The following PTPRD variants were observed in gnomAD, a reference collection of about 807,000 sequenced individuals.
The protein encoded by PTPRD is receptor-type tyrosine-protein phosphatase delta.
PTPRD carries 34 observed loss-of-function variants against 214.5 expected under a neutral mutation model. The ratio of observed to expected loss-of-function variants is 0.16; its 90% confidence interval spans 0.12 to 0.21. The LOEUF (loss-of-function observed/expected upper bound fraction) is 0.21, where lower values mean the gene tolerates loss of function less well. PTPRD is among the 10% of genes least tolerant of loss of function. The probability of loss-of-function intolerance (pLI) is 1.00; values close to 1 mark genes in which losing one functional copy is unlikely to be tolerated. For missense variants in PTPRD, 2,545 were observed against 2,398.7 expected, an observed-to-expected ratio of 1.06 and a Z score of -1.27; for synonymous variants, 1,128 against 845.7, an observed-to-expected ratio of 1.33 and a Z score of -5.79.
At chr9:9,126,035 G>A (rs932296362) in intron 10 of PTPRD, among the ~76,000 whole-genome samples, 11 of 152,164 alleles carry the variant, frequency 7.2e-5, no homozygotes, top group South Asian at 2.1e-4. Flanking sequence ...CTACAGCATT[G>A]CCAACCAGGG....
At chr9:10,395,199 C>CCATTA (rs201432036) in intron 2 of PTPRD, among the ~76,000 whole-genome samples, 2,709 of 151,158 alleles carry the variant, frequency 0.018, 79 homozygotes, top group African/African-American at 0.062. Flanking sequence ...TGTGCTGCAC[C>CCATTA]CATTAACTTG....
At chr9:9,687,236 T>A (rs1180666927) in intron 7 of PTPRD, among the ~76,000 whole-genome samples, 1 of 151,826 alleles carries the variant, frequency 6.6e-6, no homozygotes, top group Non-Finnish European at 1.5e-5. Context: ...CTTGAGACAT[T>A]TGTCTACCCA....
intron 2 of PTPRD, among the ~76,000 whole-genome samples, chr9:10,397,573 G>A (rs548609716): frequency 1.3e-5 from 2 of 152,058 alleles, no homozygotes; most frequent in Non-Finnish European, 2.9e-5. Flanking sequence ...GCCAATGACC[G>A]ACCACATATC....
At chr9:9,058,195 T>A (rs1295255818) in intron 10 of PTPRD, among the ~76,000 whole-genome samples, 2 of 151,850 alleles carry the variant, frequency 1.3e-5, no homozygotes, top group South Asian at 2.1e-4. Flanking sequence ...TACGACTAGG[T>A]TTTTTAGCAA....
chr9:8,894,709 A>C (rs2098592802), intron 11 of PTPRD, among the ~76,000 whole-genome samples: 1 of 152,226 alleles, frequency 6.6e-6, no homozygotes, highest in African/African-American at 2.4e-5. Context: ...TGAAAATGCC[A>C]TTTGAAAAAG....
chr9:8,842,009 T>TTA (rs539767406), intron 11 of PTPRD, among the ~76,000 whole-genome samples: 1 of 57,832 alleles, frequency 1.7e-5, no homozygotes, highest in African/African-American at 1.2e-4. Flanking sequence ...AGACACAGTC[T>TTA]CAAAAAAAAA....
At chr9:9,666,492 T>C (rs1190129628) in intron 7 of PTPRD, among the ~76,000 whole-genome samples, 1 of 152,002 alleles carries the variant, frequency 6.6e-6, no homozygotes, top group Non-Finnish European at 1.5e-5. Context: ...CTCCTTTGTG[T>C]TTAAAAGTTA....
chr9:9,790,311 A>C (rs1314301313), intron 5 of PTPRD, among the ~76,000 whole-genome samples: 1 of 148,754 alleles, frequency 6.7e-6, no homozygotes, highest in Non-Finnish European at 1.5e-5. Context: ...CTCATCATCT[A>C]ATTTGTTTCC....
At chr9:10,593,096 G>A (rs1299330554) in intron 2 of PTPRD, among the ~76,000 whole-genome samples, 1 of 151,982 alleles carries the variant, frequency 6.6e-6, no homozygotes, top group African/African-American at 2.4e-5. Context: ...AAGGAACCAA[G>A]TCCAGACACA....
intron 2 of PTPRD, among the ~76,000 whole-genome samples, chr9:10,592,485 T>G (rs1370027529): frequency 2.0e-5 from 3 of 151,956 alleles, no homozygotes; most frequent in Non-Finnish European, 2.9e-5. Context: ...AATAAAGACT[T>G]GGGACCCCAG....
At chr9:9,276,241 G>A (rs1367500858) in intron 9 of PTPRD, among the ~76,000 whole-genome samples, 2 of 151,444 alleles carry the variant, frequency 1.3e-5, no homozygotes, top group Admixed American at 6.6e-5. Context: ...AAAGCCCCTA[G>A]TGTGCTGATT....
At chr9:8,904,367 A>G (rs2098692974) in intron 11 of PTPRD, among the ~76,000 whole-genome samples, 1 of 152,128 alleles carries the variant, frequency 6.6e-6, no homozygotes, top group African/African-American at 2.4e-5. Flanking sequence ...TCAAACTTGG[A>G]TCCAATCAAA....
At chr9:10,449,782 C>A (rs537928131) in intron 2 of PTPRD, among the ~76,000 whole-genome samples, 1 of 150,754 alleles carries the variant, frequency 6.6e-6, no homozygotes, top group Non-Finnish European at 1.5e-5. Flanking sequence ...ATGACGATGG[C>A]GGTTTTGTCG....
At chr9:8,635,200 A>C (rs543513779) in intron 13 of PTPRD, among the ~76,000 whole-genome samples, 1 of 151,024 alleles carries the variant, frequency 6.6e-6, no homozygotes, top group Non-Finnish European at 1.5e-5. Flanking sequence ...TATGACTCTC[A>C]TGGGGAATTA....
At chr9:10,141,719 A>C (rs1372775111) in intron 3 of PTPRD, among the ~76,000 whole-genome samples, 1 of 152,086 alleles carries the variant, frequency 6.6e-6, no homozygotes, top group African/African-American at 2.4e-5. Context: ...TCAAGCTAAC[A>C]ATGACTTTCT....
At chr9:8,404,376 G>A (rs1290594586) in intron 36 of PTPRD, among the ~76,000 whole-genome samples, 161 bp downstream of exon 36, 4 of 152,116 alleles carry the variant, frequency 2.6e-5, no homozygotes, top group Non-Finnish European at 4.4e-5. Flanking sequence ...CGATCCACCC[G>A]CCTCAGCCTC....
intron 17 of PTPRD, 120 bp downstream of exon 17, chr9:8,526,507 A>G: frequency 1.2e-6 from 1 of 818,034 alleles, no homozygotes; most frequent in Non-Finnish European, 1.8e-6. Context: ...AGTACAAAGA[A>G]AAAAAAAAAG....
At chr9:10,089,602 T>C (rs1418480753) in intron 3 of PTPRD, among the ~76,000 whole-genome samples, 1 of 151,614 alleles carries the variant, frequency 6.6e-6, no homozygotes, top group Non-Finnish European at 1.5e-5. Context: ...TGATTAAGTA[T>C]ACCTGCATAT....
intron 7 of PTPRD, among the ~76,000 whole-genome samples, chr9:9,632,257 G>C (rs1264876945): frequency 6.6e-6 from 1 of 152,078 alleles, no homozygotes; most frequent in East Asian, 1.9e-4. Context: ...GTTACAACAT[G>C]GATAAACCTT....
Sources: gnomAD v4.1 joint callset for allele counts (sites outside exome capture counted in the v4.1 genomes callset) on GRCh38, gnomAD v4.1.1 for gene constraint, MANE v1.5 for transcripts, NCBI Gene and HGNC (gene_info 2026-07-23, HGNC 2026-07-21) for gene names.